BPI: variants seen among roughly 807,000 people sequenced by gnomAD.
The protein encoded by BPI is bactericidal permeability-increasing protein.
In BPI, 48 loss-of-function variants were observed where a neutral mutation model predicts 57.6. That is an observed-to-expected ratio of 0.83 (90% CI 0.66 to 1.06). BPI has a LOEUF of 1.06. Ranked by LOEUF, BPI falls within the 50% of genes least tolerant of loss-of-function variation. The probability of loss-of-function intolerance (pLI) is 0.00; values close to 1 mark genes in which losing one functional copy is unlikely to be tolerated. For missense variants in BPI, 651 were observed against 609.7 expected (o/e 1.07, Z -0.71); for synonymous variants, 237 against 238.2 (o/e 0.99, Z 0.05).
At chr20:38,308,841 G>T in intron 2 of BPI, 89 bp from the exon 3 acceptor site, 1 of 1,515,914 alleles carries the variant, frequency 6.6e-7, no homozygotes, top group Non-Finnish European at 9.0e-7. Flanking sequence ...GGTGGTGGGG[G>T]ACGAGTCTGC....
intron 9 of BPI, among the ~76,000 whole-genome samples, 165 bp downstream of exon 9, chr20:38,324,998 G>T (rs1226227212): frequency 6.6e-6 from 1 of 152,200 alleles, no homozygotes; most frequent in African/African-American, 2.4e-5. Context: ...ACAGAGAAAA[G>T]CTCCAAGCGC....
At chr20:38,317,934 C>G in intron 5 of BPI, 23 of 985,218 alleles carry the variant, frequency 2.3e-5, no homozygotes, top group Non-Finnish European at 2.7e-5. Context: ...GCTTCTCTGG[C>G]CATACATACC....
chr20:38,317,327 G>T (rs1485913292), intron 5 of BPI, among the ~76,000 whole-genome samples: 1 of 152,208 alleles, frequency 6.6e-6, no homozygotes, highest in Non-Finnish European at 1.5e-5. Context: ...TGGATTCTGT[G>T]CATCAGGAAA....
intron 7 of BPI, among the ~76,000 whole-genome samples, chr20:38,321,141 G>GTGGA (rs368875561): frequency 0.17 from 13,788 of 79,522 alleles, 1,595 homozygotes; most frequent in African/African-American, 0.18. Context: ...GGGTGTATTG[G>GTGGA]TGGATGGATG....
Position 38,318,332 on chromosome 20 carries a change from A to G in BPI, c.601-81A>G, listed in dbSNP as rs2076662693. 11 of 1,417,068 alleles carry G rather than the reference A, an allele frequency of 7.8e-6. No homozygotes were observed. In the East Asian group the frequency reaches 2.3e-4, roughly 29 times the overall value. The allele number at this position is 1,417,068 out of a possible 1,614,324, so 87.8% of individuals were successfully genotyped here. A position where few individuals can be genotyped will look rare whatever the true frequency, so the allele number is the denominator to read the frequency against. ...TTCAAGAAAACATTCAAGGAAAGCA[A>G]GGCATATCTGGCCCGTTATTGTCAA... On this transcript the variant is annotated intron_variant, in intron 5 of 14. Coordinates refer to ENST00000642449, the MANE Select transcript of BPI (RefSeq NM_001725.3).
chr20:38,333,888 AGGCACACG>A (rs1334882327), intron 12 of BPI, among the ~76,000 whole-genome samples: 63 of 145,736 alleles, frequency 4.3e-4, no homozygotes, highest in Non-Finnish European at 1.3e-4. Context: ...CTAGCCCAAA[AGGCACACG>A]GGTCTTGCTG....
Position 38,324,802 on chromosome 20 carries a change from C to A in BPI, c.962C>A (p.Thr321Lys), listed in dbSNP as rs1385863698. ...MIPKESKFRL[T>K]TKFFGTFLPE... Reference sequence around the variant, plus strand: ...CCAAAGGAGTCCAAATTTCGACTGACAACCAAGTTCTTTGGAACCTTCCTA... The same window carrying A: ...CCAAAGGAGTCCAAATTTCGACTGAAAACCAAGTTCTTTGGAACCTTCCTA... Residue 321 changes from threonine to lysine, a missense_variant, in exon 9 of 15, where the codon ACA (threonine) becomes AAA (lysine). Thr to Lys is a moderately conservative substitution (Grantham distance 78). Transcript: ENST00000642449. 1.9e-6 allele frequency: 3 copies of A among 1,613,394 alleles called. No individual in the cohort carries two copies. Among genetic ancestry groups the A allele is most frequent in the Middle Eastern group, 1.6e-4 (1 of 6,084 alleles).
intron 6 of BPI, 103 bp downstream of exon 6, chr20:38,318,579 T>C (rs182714859): frequency 2.4e-6 from 3 of 1,235,720 alleles, no homozygotes; most frequent in Non-Finnish European, 2.4e-6. Flanking sequence ...CAGACAGCCC[T>C]GGGCCTGGGT....
intron 14 of BPI, among the ~76,000 whole-genome samples, chr20:38,336,338 G>A (rs2076767401): frequency 6.6e-6 from 1 of 152,078 alleles, no homozygotes; most frequent in Admixed American, 6.6e-5. Context: ...TTCAGGCTTA[G>A]CTGCCACCTG....
At chr20:38,336,997 G>A in intron 14 of BPI, 149 bp from the exon 15 acceptor site, 2 of 674,590 alleles carry the variant, frequency 3.0e-6, no homozygotes, top group Admixed American at 3.1e-5. Flanking sequence ...GATCCGGGCA[G>A]CGAAACACTG....
chr20:38,325,391 T>G (rs1444038928), intron 9 of BPI, among the ~76,000 whole-genome samples: 1 of 152,188 alleles, frequency 6.6e-6, no homozygotes, highest in East Asian at 1.9e-4. Flanking sequence ...AAGGTTAAGG[T>G]GTCAGCAGAT....
At position 38,308,856 on chromosome 20, in the gene BPI, A is replaced by G. The variant is rs1239663426; in HGVS notation, c.246-74A>G. 8 of 1,574,096 alleles carry G rather than the reference A, an allele frequency of 5.1e-6. No homozygotes were observed. In the East Asian group the frequency reaches 1.8e-4, roughly 36 times the overall value. On this transcript the variant is annotated intron_variant, in intron 2 of 14. Coordinates refer to ENST00000642449, the MANE Select transcript of BPI (RefSeq NM_001725.3). ...GGTGGTGGGGGACGAGTCTGCATTAACCATTAACGAAGTCCTCATGTGTGC... is the reference window on the plus strand; with the variant it reads ...GGTGGTGGGGGACGAGTCTGCATTAGCCATTAACGAAGTCCTCATGTGTGC...
In BPI at chr20:38,309,197, T is replaced by G. The variant is rs990210145; in HGVS notation, c.374+139T>G. ...GCCACAGCGTTCCTCAGGAAATTCTTCACATGAGAAGATTCAACATAACCC... is the reference window on the plus strand; with the variant it reads ...GCCACAGCGTTCCTCAGGAAATTCTGCACATGAGAAGATTCAACATAACCC... On this transcript the variant is annotated intron_variant, in intron 3 of 14. Transcript: ENST00000642449. 17 of 1,260,130 alleles carry G rather than the reference T, an allele frequency of 1.3e-5. No homozygotes were observed. In the East Asian group the frequency reaches 4.0e-4, roughly 30 times the overall value. 78.1% of individuals were successfully genotyped at this position (1,260,130 alleles called of 1,614,324 possible).
In BPI at chr20:38,308,971, G is replaced by T; in HGVS notation, c.287G>T (p.Ser96Ile). The T allele has an allele frequency of 6.2e-7, 1 of 1,614,218 alleles. No individual in the cohort carries two copies. Among genetic ancestry groups the T allele is most frequent in the East Asian group, 2.2e-5 (1 of 44,882 alleles). Residue 96 changes from serine (S) to isoleucine (I), a missense_variant, in exon 3 of 15, where the codon AGC becomes ATC. Coordinates refer to ENST00000642449, the MANE Select transcript of BPI (RefSeq NM_001725.3). ...TTCCAGCTTCCCAGTTCCCAGATAA[G>T]CATGGTGCCCAATGTGGGCCTTAAG... ...REFQLPSSQISMVPNVGLKFS... is the reference protein window; with the variant it reads ...REFQLPSSQIIMVPNVGLKFS...
chr20:38,328,577 A>G (rs1020361353), intron 11 of BPI, among the ~76,000 whole-genome samples: 2 of 151,732 alleles, frequency 1.3e-5, no homozygotes, highest in Admixed American at 6.6e-5. Flanking sequence ...CCCAGTAATT[A>G]CTTTGCCAAC....
intron 7 of BPI, among the ~76,000 whole-genome samples, chr20:38,320,823 TTGGATGGGTGGA>T (rs1297260588): frequency 4.2e-5 from 6 of 143,430 alleles, no homozygotes; most frequent in East Asian, 2.2e-4. Context: ...AAATTATTTG[TTGGATGGGTGGA>T]TGGATGGATG....
chr20:38,328,245 C>G lies in BPI; in HGVS notation c.1229+590C>G, dbSNP rs114588084. ...CACCAAAACGCTGCCAACTTCAGTT[C>G]TCCGACTGTCAAATAAGCCCAGTAA... On this transcript the variant is annotated intron_variant, in intron 11 of 14. Coordinates refer to ENST00000642449, the MANE Select transcript of BPI (RefSeq NM_001725.3). Among the ~76,000 whole-genome samples the G allele has an allele frequency of 6.9e-3, 1,049 of 152,278 alleles. 13 individuals carry two copies. Among genetic ancestry groups the G allele is most frequent in the African/African-American group, 0.023 (966 of 41,554 alleles).
At chr20:38,334,580 C>T (rs1600715489) in intron 13 of BPI, 87 bp downstream of exon 13, 1 of 1,340,304 alleles carries the variant, frequency 7.5e-7, no homozygotes, top group East Asian at 2.3e-5. Context: ...TACCTGGCCC[C>T]AGGTATGAGG....
intron 11 of BPI, among the ~76,000 whole-genome samples, chr20:38,328,312 G>T (rs546743454): frequency 6.6e-6 from 1 of 152,226 alleles, no homozygotes; most frequent in South Asian, 2.1e-4. Flanking sequence ...CAGCACTGTG[G>T]GAGGCTGAGG....
Sources: gnomAD v4.1 joint callset for allele counts (sites outside exome capture counted in the v4.1 genomes callset) on GRCh38, gnomAD v4.1.1 for gene constraint, MANE v1.5 for transcripts, NCBI Gene and HGNC (gene_info 2026-07-23, HGNC 2026-07-21) for gene names.